Variants in MARCHF3 observed in about 807,000 individuals in gnomAD.
The protein encoded by MARCHF3 is membrane associated ring-CH-type finger 3.
MARCHF3 carries 13 observed loss-of-function variants against 24.2 expected under a neutral mutation model. The ratio of observed to expected loss-of-function variants is 0.54; its 90% CI spans 0.35 to 0.85. The LOEUF (loss-of-function observed/expected upper bound fraction) is 0.85. Among genes scored for constraint, MARCHF3 ranks in the 40% least tolerant of loss-of-function variants. MARCHF3 has a pLI of 0.01. For missense variants in MARCHF3, 276 were observed against 325.0 expected (o/e 0.85, Z 1.16); for synonymous variants, 144 against 137.3 (o/e 1.05, Z -0.34).
At chr5:126,920,469 T>C (rs1338320536) in intron 1 of MARCHF3, among the ~76,000 whole-genome samples, 1 of 152,134 alleles carries the variant, frequency 6.6e-6, no homozygotes, top group African/African-American at 2.4e-5. Flanking sequence ...GCCAGGGGTG[T>C]ATTGGCAGGA....
At chr5:126,989,283 ATACTAC>A (rs957703114) in intron 1 of MARCHF3, among the ~76,000 whole-genome samples, 1 of 150,116 alleles carries the variant, frequency 6.7e-6, no homozygotes, top group Admixed American at 6.6e-5. Flanking sequence ...TGTCTCTAGA[ATACTAC>A]TACTACTACT....
intron 2 of MARCHF3, among the ~76,000 whole-genome samples, chr5:126,915,385 A>C (rs773399428): frequency 1.3e-5 from 2 of 152,242 alleles, no homozygotes; most frequent in Admixed American, 6.5e-5. Context: ...CCAGGATCAA[A>C]AGTGAGTGAA....
chr5:126,977,777 T>C (rs1407205259), intron 1 of MARCHF3, among the ~76,000 whole-genome samples: 1 of 152,248 alleles, frequency 6.6e-6, no homozygotes, highest in Non-Finnish European at 1.5e-5. Flanking sequence ...GTTGCATGTA[T>C]ACAAGGCAAC....
At chr5:126,906,454 T>C (rs1754299626) in intron 3 of MARCHF3, among the ~76,000 whole-genome samples, 3 of 152,212 alleles carry the variant, frequency 2.0e-5, no homozygotes. Context: ...TCCTGGACTC[T>C]TTTTCGTTGG....
intron 3 of MARCHF3, among the ~76,000 whole-genome samples, chr5:126,881,243 G>C (rs1561775632): frequency 6.6e-6 from 1 of 152,058 alleles, no homozygotes; most frequent in Non-Finnish European, 1.5e-5. Flanking sequence ...TTTGCTGCTG[G>C]TTGTACTTAG....
At chr5:127,029,559 T>A (rs1753107441) in intron 1 of MARCHF3, among the ~76,000 whole-genome samples, 1 of 152,180 alleles carries the variant, frequency 6.6e-6, no homozygotes, top group African/African-American at 2.4e-5. Flanking sequence ...AGGTTTAACC[T>A]TGAGTTCTCT....
chr5:126,875,610 A>G lies in MARCHF3; in HGVS notation c.603+2575T>C, dbSNP rs1415167017. Among the ~76,000 whole-genome samples, 3 of 152,282 alleles carry G rather than the reference A, an allele frequency of 2.0e-5. No individual in the cohort carries two copies. In the East Asian group the frequency reaches 5.8e-4, roughly 29 times the overall value. Reference sequence around the variant, plus strand: ...CCGCTCAGCACAGCATTTATCTGGGACGGAGTTATTCTATATTCAGTAACC... The same window carrying G: ...CCGCTCAGCACAGCATTTATCTGGGGCGGAGTTATTCTATATTCAGTAACC... On this transcript the variant is annotated intron_variant, in intron 4 of 4. Transcript: ENST00000308660.
intron 1 of MARCHF3, among the ~76,000 whole-genome samples, chr5:127,018,047 T>C (rs1752683322): frequency 1.3e-5 from 2 of 152,148 alleles, no homozygotes; most frequent in Admixed American, 6.5e-5. Flanking sequence ...GGGAGGCAGA[T>C]AAAAACAAGT....
At chr5:126,909,404 C>T (rs1561420480) in intron 3 of MARCHF3, among the ~76,000 whole-genome samples, 2 of 152,308 alleles carry the variant, frequency 1.3e-5, no homozygotes, top group Admixed American at 6.5e-5. Flanking sequence ...CAATGGCGGG[C>T]GCCCCTCCCC....
chr5:126,929,152 A>T (rs1749396913), intron 1 of MARCHF3, among the ~76,000 whole-genome samples: 1 of 152,220 alleles, frequency 6.6e-6, no homozygotes, highest in African/African-American at 2.4e-5. Context: ...GAAGAAATTC[A>T]CGTAGAGGTC....
At chr5:127,008,318 T>G (rs976936464) in intron 1 of MARCHF3, among the ~76,000 whole-genome samples, 6 of 152,104 alleles carry the variant, frequency 3.9e-5, no homozygotes, top group African/African-American at 1.4e-4. Flanking sequence ...ATCCCCAAAT[T>G]CATGTTTCTT....
intron 3 of MARCHF3, among the ~76,000 whole-genome samples, chr5:126,895,103 A>G (rs1435456815): frequency 2.0e-5 from 3 of 152,038 alleles, no homozygotes; most frequent in East Asian, 1.9e-4. Flanking sequence ...TGATCGCATC[A>G]GCTCCTGAGG....
intron 3 of MARCHF3, among the ~76,000 whole-genome samples, chr5:126,909,587 G>T (rs1278809600): frequency 1.3e-5 from 2 of 152,164 alleles, no homozygotes; most frequent in Non-Finnish European, 2.9e-5. Flanking sequence ...GATTTTCCAG[G>T]TGTCGTCTGT....
intron 3 of MARCHF3, among the ~76,000 whole-genome samples, chr5:126,906,032 T>G (rs1413766236): frequency 6.7e-6 from 1 of 149,656 alleles, no homozygotes. Flanking sequence ...TGAAGGGTTG[T>G]TGAATTTTGT....
intron 1 of MARCHF3, among the ~76,000 whole-genome samples, chr5:126,939,650 G>A (rs1405293947): frequency 6.6e-6 from 1 of 152,146 alleles, no homozygotes; most frequent in Admixed American, 6.6e-5. Context: ...GAATAGAAAG[G>A]AAATTTAAAC....
At chr5:126,926,658 G>A (rs527439339) in intron 1 of MARCHF3, among the ~76,000 whole-genome samples, 1 of 152,186 alleles carries the variant, frequency 6.6e-6, no homozygotes, top group South Asian at 2.1e-4. Flanking sequence ...AGCTGTCTGG[G>A]AACCTTGGGG....
intron 1 of MARCHF3, among the ~76,000 whole-genome samples, chr5:126,971,274 C>G (rs1246189726): frequency 7.3e-5 from 11 of 151,544 alleles, no homozygotes; most frequent in Non-Finnish European, 2.9e-5. Flanking sequence ...ATGGTGAAAC[C>G]CTGTCTCTAC....
chr5:126,999,410 G>A (rs986975326), intron 1 of MARCHF3, among the ~76,000 whole-genome samples: 3 of 152,170 alleles, frequency 2.0e-5, no homozygotes, highest in African/African-American at 7.2e-5. Context: ...TGTTCACAGG[G>A]CAAAGACCTG....
intron 4 of MARCHF3, among the ~76,000 whole-genome samples, chr5:126,876,042 G>A (rs994599087): frequency 6.6e-6 from 1 of 152,178 alleles, no homozygotes; most frequent in Non-Finnish European, 1.5e-5. Flanking sequence ...AATGAAGTAT[G>A]TTACCATTTT....
Sources: allele counts gnomAD v4.1 joint callset (sites outside exome capture counted in the v4.1 genomes callset), GRCh38; gene constraint gnomAD v4.1.1; transcripts MANE v1.5; gene names NCBI Gene and HGNC (gene_info 2026-07-23, HGNC 2026-07-21).